Variants in MFHAS1 observed in about 807,000 individuals in gnomAD.
MFHAS1 encodes the protein multifunctional ROCO family signaling regulator 1, also known as malignant fibrous histiocytoma-amplified sequence 1.
In MFHAS1, 50 loss-of-function variants were observed where a neutral mutation model predicts 70.4. The ratio of observed to expected loss-of-function variants is 0.71; its 90% CI spans 0.57 to 0.90. The LOEUF is 0.90. Ranked by LOEUF, MFHAS1 falls within the 40% of genes least tolerant of loss-of-function variation. The pLI, the probability that MFHAS1 is intolerant of heterozygous loss-of-function variation, is 0.00. For synonymous variants in MFHAS1, 952 were observed against 620.0 expected (o/e 1.54, Z -7.96); for missense variants, 1,795 against 1,347.6 (o/e 1.33, Z -5.20).
chr8:8,786,651 T>C (rs1484776956), intron 2 of MFHAS1, among the ~76,000 whole-genome samples: 1 of 151,882 alleles, frequency 6.6e-6, no homozygotes, highest in African/African-American at 2.4e-5. Flanking sequence ...TCAAGTGTTT[T>C]TCTCATTTTT....
At chr8:8,833,822 A>G (rs1264667503) in intron 1 of MFHAS1, among the ~76,000 whole-genome samples, 1 of 152,222 alleles carries the variant, frequency 6.6e-6, no homozygotes, top group Non-Finnish European at 1.5e-5. Context: ...ATGAATGAAC[A>G]TACTGCAGTA....
At chr8:8,886,322 G>A (rs1202528743) in intron 1 of MFHAS1, among the ~76,000 whole-genome samples, 1 of 151,958 alleles carries the variant, frequency 6.6e-6, no homozygotes, top group East Asian at 1.9e-4. Flanking sequence ...TGCACGCTTA[G>A]CTGATTTTTA....
At chr8:8,833,186 A>G (rs1807472240) in intron 1 of MFHAS1, among the ~76,000 whole-genome samples, 1 of 152,030 alleles carries the variant, frequency 6.6e-6, no homozygotes, top group Non-Finnish European at 1.5e-5. Flanking sequence ...ACCATTAGAG[A>G]CCACCCCCTG....
At position 8,893,564 on chromosome 8, in the gene MFHAS1, C is replaced by T. The variant is rs1314874188; in HGVS notation, c.-506G>A. ...CGGCGGCGCCTCCTTGTCTCCGTTT[C>T]CCCGGGCTCGGGCGGGAGCGCGGGC... On this transcript the variant is annotated 5_prime_UTR_variant, in exon 1 of 3. Coordinates refer to ENST00000276282, the MANE Select transcript of MFHAS1 (RefSeq NM_004225.3). 2 of 146,494 alleles carry T rather than the reference C, an allele frequency of 1.4e-5. No individual in the cohort carries two copies. Among genetic ancestry groups the T allele is most frequent in the South Asian group, 2.1e-4 (1 of 4,806 alleles). The allele number at this position is 146,494 out of a possible 1,614,324, so 9.1% of individuals were successfully genotyped here. A position where few individuals can be genotyped will look rare whatever the true frequency, so the allele number is the denominator to read the frequency against.
intron 1 of MFHAS1, among the ~76,000 whole-genome samples, chr8:8,877,315 A>AC (rs1809336169): frequency 6.6e-6 from 1 of 150,720 alleles, no homozygotes; most frequent in Non-Finnish European, 1.5e-5. Flanking sequence ...AAAAAAAAAA[A>AC]AAAAACTACG....
chr8:8,890,011 A>C, intron 1 of MFHAS1, 50 bp downstream of exon 1: 1 of 1,434,352 alleles, frequency 7.0e-7, no homozygotes, highest in Non-Finnish European at 9.5e-7. Flanking sequence ...TATCTCCAAA[A>C]ACATATCTTA....
intron 1 of MFHAS1, among the ~76,000 whole-genome samples, chr8:8,806,134 A>C (rs928015240): frequency 4.6e-5 from 7 of 152,014 alleles, no homozygotes; most frequent in Admixed American, 2.6e-4. Context: ...TCTGTTTCTA[A>C]TACCTGCAAC....
intron 1 of MFHAS1, among the ~76,000 whole-genome samples, chr8:8,841,082 G>A (rs1050686829): frequency 6.6e-6 from 1 of 152,178 alleles, no homozygotes; most frequent in Non-Finnish European, 1.5e-5. Flanking sequence ...ATTACCAAGT[G>A]CCTTAATAAA....
intron 1 of MFHAS1, among the ~76,000 whole-genome samples, chr8:8,817,279 A>G (rs1302747244): frequency 2.6e-5 from 4 of 152,128 alleles, no homozygotes; most frequent in African/African-American, 9.7e-5. Flanking sequence ...AAAAAAAAGC[A>G]CTTGATTTCT....
At chr8:8,878,652 T>C (rs1170829318) in intron 1 of MFHAS1, among the ~76,000 whole-genome samples, 2 of 150,036 alleles carry the variant, frequency 1.3e-5, no homozygotes, top group Non-Finnish European at 3.0e-5. Flanking sequence ...TTTTTAAAAA[T>C]TCCTTCTTTT....
intron 1 of MFHAS1, among the ~76,000 whole-genome samples, chr8:8,858,066 C>T (rs1054702386): frequency 6.6e-6 from 1 of 152,300 alleles, no homozygotes; most frequent in South Asian, 2.1e-4. Flanking sequence ...ATTTGCCTGC[C>T]TCCACGCCTG....
chr8:8,799,338 T>C (rs1373314510), intron 1 of MFHAS1, among the ~76,000 whole-genome samples: 2 of 152,242 alleles, frequency 1.3e-5, no homozygotes, highest in African/African-American at 4.8e-5. Flanking sequence ...ATTATTATGC[T>C]GCATTCACAT....
At chr8:8,868,505 C>T (rs1306108449) in intron 1 of MFHAS1, among the ~76,000 whole-genome samples, 2 of 151,590 alleles carry the variant, frequency 1.3e-5, no homozygotes, top group African/African-American at 4.9e-5. Context: ...GACAGATGTG[C>T]CCTTCCAAAC....
intron 1 of MFHAS1, among the ~76,000 whole-genome samples, chr8:8,851,487 C>T (rs542248371): frequency 2.6e-5 from 4 of 152,130 alleles, no homozygotes; most frequent in Non-Finnish European, 2.9e-5. Flanking sequence ...TCAAACTCTA[C>T]GTGTGGAGTT....
At chr8:8,864,021 C>T (rs1808764421) in intron 1 of MFHAS1, among the ~76,000 whole-genome samples, 1 of 151,486 alleles carries the variant, frequency 6.6e-6, no homozygotes, top group Admixed American at 6.6e-5. Flanking sequence ...CTTCCTAATT[C>T]CTGTTTACCG....
chr8:8,883,527 G>A (rs1200379094), intron 1 of MFHAS1, among the ~76,000 whole-genome samples: 2 of 151,772 alleles, frequency 1.3e-5, no homozygotes, highest in South Asian at 2.1e-4. Context: ...GGCCAACATG[G>A]TGAAACCTCG....
In MFHAS1 at chr8:8,872,172, C is replaced by T. The variant is rs1358612267; in HGVS notation, c.2998+17889G>A. 3.9e-5 allele frequency among the ~76,000 whole-genome samples: 6 copies of T among 152,170 alleles called. No individual in the cohort carries two copies. In the South Asian group the frequency reaches 8.3e-4, roughly 21 times the overall value. On this transcript the variant is annotated intron_variant, in intron 1 of 2. Coordinates refer to ENST00000276282, the MANE Select transcript of MFHAS1 (RefSeq NM_004225.3). ...TGACTGTGCACGGATATGAACAAAGCCAGCGACACACCACCAGATTCTTCA... is the reference window on the plus strand; with the variant it reads ...TGACTGTGCACGGATATGAACAAAGTCAGCGACACACCACCAGATTCTTCA...
chr8:8,891,296 G>C lies in MFHAS1; in HGVS notation c.1763C>G (p.Ser588Cys). ...ATAGTAGGCTGCGTGGGGGCTGGCA[G>C]AGCGCAGCTCGAAGTCCCGGGCCAG... is the stretch of plus-strand genomic sequence containing the variant. ...EALARDFELR[S>C]ASPHAAYYGV... is the part of the protein sequence containing the mutation. The change falls in exon 1 of 3, where the codon TCT becomes TGT. Residue 588 changes from serine to cysteine, a missense_variant. Transcript: ENST00000276282. The surrounding 1 kb of genome is among the most constrained non-coding windows in gnomAD (Gnocchi z 5.4). 2 of 1,611,594 alleles carry C rather than the reference G, an allele frequency of 1.2e-6. No individual in the cohort carries two copies. The highest frequency in any genetic ancestry group is 1.7e-6 in the Non-Finnish European group (2 of 1,180,026).
intron 1 of MFHAS1, among the ~76,000 whole-genome samples, chr8:8,818,254 C>T (rs1806820620): frequency 6.6e-6 from 1 of 152,036 alleles, no homozygotes. Context: ...CCACATAATC[C>T]AACAGTAAAT....
Sources: allele counts gnomAD v4.1 joint callset (sites outside exome capture counted in the v4.1 genomes callset), GRCh38; gene constraint gnomAD v4.1.1; non-coding constraint Gnocchi (gnomAD v3.1); transcripts MANE v1.5; gene names NCBI Gene and HGNC (gene_info 2026-07-23, HGNC 2026-07-21).